SDAD1: variants seen among roughly 807,000 people sequenced by gnomAD.
SDAD1 encodes the protein protein SDA1 homolog.
Under a neutral mutation model 100.3 loss-of-function variants are expected in SDAD1, and 79 were observed. The observed-to-expected ratio is 0.79, with a 90% confidence interval of 0.66 to 0.95. SDAD1 has a LOEUF of 0.95. SDAD1 is among the 40% of genes least tolerant of loss of function. The probability of loss-of-function intolerance (pLI) is 0.00; values close to 1 mark genes in which losing one functional copy is unlikely to be tolerated. For missense variants in SDAD1, 790 were observed against 810.9 expected, an observed-to-expected ratio of 0.97 and a Z score of 0.31; for synonymous variants, 267 against 271.4, an observed-to-expected ratio of 0.98 and a Z score of 0.16.
chr4:75,954,425 C>A (rs1028836225), intron 21 of SDAD1, among the ~76,000 whole-genome samples: 1 of 151,528 alleles, frequency 6.6e-6, no homozygotes, highest in African/African-American at 2.4e-5. Context: ...ATAATCCTAG[C>A]GCTATGGGAG....
At chr4:75,981,869 G>T in intron 2 of SDAD1, 64 bp downstream of exon 2, 1 of 1,133,598 alleles carries the variant, frequency 8.8e-7, no homozygotes, top group Non-Finnish European at 1.3e-6. Context: ...TTGAGTATTA[G>T]TGAAAAAACA....
chr4:75,982,803 TA>T, intron 1 of SDAD1, among the ~76,000 whole-genome samples: 1 of 151,908 alleles, frequency 6.6e-6, no homozygotes, highest in East Asian at 1.9e-4. Context: ...CACCCCTTTT[TA>T]AAAATTATAC....
chr4:75,969,069 T>C (rs1404271566), intron 11 of SDAD1, among the ~76,000 whole-genome samples: 2 of 112,986 alleles, frequency 1.8e-5, no homozygotes, highest in African/African-American at 3.4e-5. Context: ...GAGAATAAAA[T>C]AGCCTGTCCA....
chr4:75,971,410 T>C lies in SDAD1; in HGVS notation c.760A>G (p.Lys254Glu). ...RDLLVQYATG[K>E]KSSKNKKKLE... ...TTTTTCTTGTTTTTGGAACTTTTCT[T>C]CCCTGTAGCATATTGTACTAGCAGG... The change falls in exon 9 of 22, where the codon AAG (lysine) becomes GAG (glutamate). Residue 254 changes from lysine to glutamate, a missense_variant. Physicochemically the swap from Lys to Glu is moderately conservative, Grantham distance 56 (BLOSUM62 1). Transcript: ENST00000356260. 1 of 1,614,126 alleles carries C rather than the reference T, an allele frequency of 6.2e-7. No homozygotes were observed.
At chr4:75,971,596 C>T (rs375811543) in intron 8 of SDAD1, 138 bp from the exon 9 acceptor site, 9 of 649,034 alleles carry the variant, frequency 1.4e-5, no homozygotes, top group Admixed American at 1.1e-4. Context: ...TTAGACTGGG[C>T]GCAGTGGCTC....
rs539754112 is a variant in SDAD1 at position 75,976,635 on chromosome 4, T to G, written c.406-640A>C. 2.0e-5 allele frequency among the ~76,000 whole-genome samples: 3 copies of G among 152,268 alleles called. No homozygotes were observed. The South Asian group carries it at 6.2e-4, about 32-fold the overall frequency. ...TTGGGGGTGACAAAATGTTCAAAAA[T>G]TGTTTGCAGTGATGGTTGTACCACG... On this transcript the variant is annotated intron_variant, in intron 4 of 21. Transcript: ENST00000356260.
intron 11 of SDAD1, among the ~76,000 whole-genome samples, chr4:75,967,648 CT>C (rs942031199): frequency 3.2e-4 from 49 of 152,284 alleles, no homozygotes; most frequent in African/African-American, 1.2e-3. Context: ...CAGAAACTAA[CT>C]TTTTAGTGTT....
At chr4:75,990,703 T>G (rs1164285063) in intron 1 of SDAD1, 49 bp downstream of exon 1, 1 of 1,611,700 alleles carries the variant, frequency 6.2e-7, no homozygotes, top group East Asian at 2.2e-5. Context: ...CACCGGCGTC[T>G]CAACCATCCA....
intron 21 of SDAD1, among the ~76,000 whole-genome samples, chr4:75,953,800 GA>G (rs1728740233): frequency 6.6e-6 from 1 of 152,136 alleles, no homozygotes; most frequent in Non-Finnish European, 1.5e-5. Flanking sequence ...CAATTCTTCA[GA>G]ATGATATTTA....
At chr4:75,968,004 A>C (rs934239488) in intron 11 of SDAD1, among the ~76,000 whole-genome samples, 1 of 152,214 alleles carries the variant, frequency 6.6e-6, no homozygotes, top group Non-Finnish European at 1.5e-5. Context: ...GGTGGGAATA[A>C]ACTAATTTTT....
chr4:75,989,286 A>G (rs1482837929), intron 1 of SDAD1, among the ~76,000 whole-genome samples: 1 of 152,138 alleles, frequency 6.6e-6, no homozygotes, highest in Non-Finnish European at 1.5e-5. Context: ...GCCTGGCTCA[A>G]TATCATCATT....
chr4:75,957,303 T>C, intron 20 of SDAD1, 22 bp downstream of exon 20: 2 of 1,590,532 alleles, frequency 1.3e-6, no homozygotes. Flanking sequence ...TTTAAAAAAC[T>C]AGGAATGATA....
rs1729792562 is a variant in SDAD1, at chr4:75,970,305, G to A, written c.883+4C>T. The A allele has an allele frequency of 4.3e-6, 7 of 1,611,420 alleles. No individual in the cohort carries two copies. In the East Asian group the frequency reaches 6.7e-5, roughly 15 times the overall value. ...CAAGGAACTCGGACGTCATAATAAC[G>A]TACCTTGGGGATCATGAATCAAGTG... On this transcript the variant is annotated splice_donor_region_variant and intron_variant, in intron 10 of 21. Transcript: ENST00000356260.
intron 21 of SDAD1, among the ~76,000 whole-genome samples, chr4:75,954,347 A>C (rs972214336): frequency 2.0e-5 from 3 of 150,158 alleles, no homozygotes; most frequent in Non-Finnish European, 4.4e-5. Flanking sequence ...GCGCCACTGC[A>C]CTCCAGCCTG....
intron 13 of SDAD1, among the ~76,000 whole-genome samples, chr4:75,964,899 A>C (rs1246639437): frequency 6.6e-6 from 1 of 152,192 alleles, no homozygotes; most frequent in East Asian, 1.9e-4. Flanking sequence ...CGTCATCTTC[A>C]TAAACTGAGG....
rs1447483840 is a variant in SDAD1 at position 75,963,491 on chromosome 4, T to C, written c.1181+644A>G. 2.6e-5 allele frequency among the ~76,000 whole-genome samples: 4 copies of C among 152,200 alleles called. No homozygotes were observed. The East Asian group carries it at 5.8e-4, about 22-fold the overall frequency. On this transcript the variant is annotated intron_variant, in intron 14 of 21. Coordinates refer to ENST00000356260, the MANE Select transcript of SDAD1 (RefSeq NM_018115.4). ...AAATTACCTTGGGCAGTATGGCCATTTTCATGATATTGATTCTTCCTATCC... is the reference window on the plus strand; with the variant it reads ...AAATTACCTTGGGCAGTATGGCCATCTTCATGATATTGATTCTTCCTATCC...
Position 75,981,456 on chromosome 4 carries a change from G to T in SDAD1, c.210C>A (p.Tyr70Ter). 3 of 1,613,774 alleles carry T rather than the reference G, an allele frequency of 1.9e-6. No individual in the cohort carries two copies. Among genetic ancestry groups the T allele is most frequent in the Non-Finnish European group, 2.5e-6 (3 of 1,179,760 alleles). The change falls in exon 3 of 22, where the codon TAC becomes TAA. Residue 70 changes from tyrosine to a stop codon, truncating the protein, a stop_gained. Coordinates refer to ENST00000356260, the MANE Select transcript of SDAD1 (RefSeq NM_018115.4). LOFTEE classifies it high-confidence loss of function. ...VMFMAQISHC[Y>*]PEYLSNFPQE... ...GAGGAAAATTACTTAGGTACTCTGG[G>T]TAGCAGTGACTAATCTGTAACAAAG... is the stretch of plus-strand genomic sequence containing the variant.
chr4:75,968,824 G>C (rs1197566605), intron 11 of SDAD1, among the ~76,000 whole-genome samples: 1 of 152,032 alleles, frequency 6.6e-6, no homozygotes, highest in Non-Finnish European at 1.5e-5. Context: ...GAGGTCAGGA[G>C]TTTGAGACCA....
intron 21 of SDAD1, among the ~76,000 whole-genome samples, chr4:75,953,725 T>C (rs2149305877): frequency 6.6e-6 from 1 of 152,344 alleles, no homozygotes; most frequent in South Asian, 2.1e-4. Context: ...GGCTGATCCT[T>C]GGCTAGCTAT....
Sources: allele counts gnomAD v4.1 joint callset (sites outside exome capture counted in the v4.1 genomes callset), GRCh38; gene constraint gnomAD v4.1.1; transcripts MANE v1.5; gene names NCBI Gene and HGNC (gene_info 2026-07-23, HGNC 2026-07-21).